CCDC12: variants seen among roughly 807,000 people sequenced by gnomAD.
CCDC12 encodes the protein coiled-coil domain-containing protein 12.
Under a neutral mutation model 25.7 loss-of-function variants are expected in CCDC12, and 28 were observed. The observed-to-expected ratio is 1.09, with a 90% CI of 0.81 to 1.50. The LOEUF (loss-of-function observed/expected upper bound fraction) is 1.50. CCDC12 is among the 40% of genes most tolerant of loss of function. The probability of loss-of-function intolerance (pLI) is 0.00; values close to 1 mark genes in which losing one functional copy is unlikely to be tolerated. For synonymous variants in CCDC12, 75 were observed against 87.7 expected, an observed-to-expected ratio of 0.86 and a Z score of 0.81; for missense variants, 198 against 210.0, an observed-to-expected ratio of 0.94 and a Z score of 0.35.
intron 3 of CCDC12, chr3:46,925,125 A>G: frequency 2.2e-6 from 1 of 458,908 alleles, no homozygotes; most frequent in South Asian, 1.8e-5. Context: ...CCTGCTGCCC[A>G]AGGGCCCCAT....
chr3:46,924,377 C>T (rs763278738), intron 3 of CCDC12, among the ~76,000 whole-genome samples: 1 of 152,240 alleles, frequency 6.6e-6, no homozygotes, highest in African/African-American at 2.4e-5. Flanking sequence ...TCCCCCAGTG[C>T]ACCATTACCC....
At chr3:46,943,325 A>G (rs2033785375) in intron 1 of CCDC12, among the ~76,000 whole-genome samples, 1 of 152,204 alleles carries the variant, frequency 6.6e-6, no homozygotes, top group Non-Finnish European at 1.5e-5. Flanking sequence ...ATTCTAGCAA[A>G]AAATTCCTTC....
chr3:46,951,574 A>T (rs2034114772), intron 1 of CCDC12, among the ~76,000 whole-genome samples: 2 of 150,212 alleles, frequency 1.3e-5, no homozygotes, highest in African/African-American at 4.9e-5. Context: ...AGGTCAGGAG[A>T]TCAAGACCAT....
Position 46,946,844 on chromosome 3 carries a change from A to T in CCDC12, c.97-5779T>A, listed in dbSNP as rs56329054. The stretch of plus-strand genomic sequence containing the variant: ...TGCCGAAGCAGGAGGACTTGAGTTC[A>T]GGGGATGAGGAATAAGCCCCTCCCT... On this transcript the variant is annotated intron_variant, in intron 1 of 6. Coordinates refer to ENST00000683445, the MANE Select transcript of CCDC12 (RefSeq NM_001277074.2). 2.1e-3 allele frequency among the ~76,000 whole-genome samples: 317 copies of T among 152,310 alleles called. 3 individuals carry two copies. The highest frequency in any genetic ancestry group is 7.3e-3 in the African/African-American group (305 of 41,570).
rs1372035775 is a variant in CCDC12 at position 46,922,045 on chromosome 3, G to T, written c.*12C>A. ...ACAGGCCTGATGGGCGAGTGGTGGG[G>T]CAGGGCATGCCTCAGTCGGAGTCAC... On this transcript the variant is annotated 3_prime_UTR_variant, in exon 7 of 7. Transcript: ENST00000683445. 6.2e-7 allele frequency: 1 copy of T among 1,613,336 alleles called. No individual in the cohort carries two copies. The highest frequency in any genetic ancestry group is 1.7e-5 in the Admixed American group (1 of 60,030).
At chr3:46,936,036 G>A (rs2107125818) in intron 2 of CCDC12, among the ~76,000 whole-genome samples, 1 of 152,346 alleles carries the variant, frequency 6.6e-6, no homozygotes, top group Middle Eastern at 3.4e-3. Flanking sequence ...AACACAGGCA[G>A]GCAGGCGAGT....
intron 1 of CCDC12, 67 bp from the exon 2 acceptor site, chr3:46,941,132 G>C: frequency 6.6e-7 from 1 of 1,514,614 alleles, no homozygotes; most frequent in Middle Eastern, 1.7e-4. Flanking sequence ...CGTGGCCCAG[G>C]GAGCTAAAGA....
At chr3:46,980,445 C>G (rs1196129032), upstream of CCDC12, among the ~76,000 whole-genome samples, 1 of 152,092 alleles carries the variant, frequency 6.6e-6, no homozygotes, top group Admixed American at 6.5e-5. Context: ...TTGCATCCCC[C>G]CACACCCCAG....
chr3:46,943,281 A>G (rs1020932355), intron 1 of CCDC12, among the ~76,000 whole-genome samples: 1 of 152,160 alleles, frequency 6.6e-6, no homozygotes. Flanking sequence ...TCCCTGACTA[A>G]AGACTAGCCG....
At chr3:46,928,806 A>C (rs2033084954) in intron 2 of CCDC12, among the ~76,000 whole-genome samples, 1 of 152,232 alleles carries the variant, frequency 6.6e-6, no homozygotes, top group South Asian at 2.1e-4. Flanking sequence ...CTCAGACGGA[A>C]ACATGGAATT....
chr3:46,957,960 T>TACACACACAC (rs367926661), intron 1 of CCDC12, among the ~76,000 whole-genome samples: 2,794 of 64,652 alleles, frequency 0.043, 58 homozygotes, highest in Middle Eastern at 0.07. Flanking sequence ...AAAAAATAAA[T>TACACACACAC]ACACACACAC....
At chr3:46,980,564 C>G (rs906513639), upstream of CCDC12, among the ~76,000 whole-genome samples, 4 of 145,772 alleles carry the variant, frequency 2.7e-5, no homozygotes, top group African/African-American at 9.9e-5. Context: ...AAAAGGTTTT[C>G]CTCTGGATGC....
chr3:46,976,862 G>A (rs753453485), upstream of CCDC12: 1 of 1,453,162 alleles, frequency 6.9e-7, no homozygotes, highest in Non-Finnish European at 9.1e-7. Context: ...CAATCAATGC[G>A]GGGTTATTAT....
intron 2 of CCDC12, among the ~76,000 whole-genome samples, chr3:46,938,869 A>C (rs2033575009): frequency 6.6e-6 from 1 of 152,030 alleles, no homozygotes; most frequent in Non-Finnish European, 1.5e-5. Flanking sequence ...AGAAAAAAAA[A>C]ATCACACATC....
At chr3:46,972,443 A>G (rs2034832133) in intron 1 of CCDC12, among the ~76,000 whole-genome samples, 5 of 152,258 alleles carry the variant, frequency 3.3e-5, no homozygotes, top group Admixed American at 3.3e-4. Context: ...TGACAACTCA[A>G]TAACAAGAAA....
intron 1 of CCDC12, among the ~76,000 whole-genome samples, chr3:46,962,518 T>C (rs1214857430): frequency 1.4e-5 from 2 of 146,294 alleles, no homozygotes; most frequent in Non-Finnish European, 3.0e-5. Context: ...TCACATCACA[T>C]ACACAGAACA....
intron 1 of CCDC12, among the ~76,000 whole-genome samples, chr3:46,964,893 T>C (rs2034593982): frequency 6.6e-6 from 1 of 152,018 alleles, no homozygotes; most frequent in Non-Finnish European, 1.5e-5. Flanking sequence ...CCCTCCACTA[T>C]TGTCCTATGA....
intron 2 of CCDC12, among the ~76,000 whole-genome samples, chr3:46,932,518 G>C (rs776943703): frequency 2.6e-5 from 4 of 152,192 alleles, no homozygotes; most frequent in Non-Finnish European, 5.9e-5. Flanking sequence ...CCTGAAGAAC[G>C]GGTACAGTGT....
chr3:46,941,334 G>A (rs1209002586), intron 1 of CCDC12, among the ~76,000 whole-genome samples: 3 of 152,186 alleles, frequency 2.0e-5, no homozygotes, highest in Non-Finnish European at 2.9e-5. Flanking sequence ...AGGCCGAGGT[G>A]GGCGGATCTC....
Sources: allele counts gnomAD v4.1 joint callset (sites outside exome capture counted in the v4.1 genomes callset), GRCh38; gene constraint gnomAD v4.1.1; transcripts MANE v1.5; gene names NCBI Gene and HGNC (gene_info 2026-07-23, HGNC 2026-07-21).